The following DMD variants were observed in gnomAD, a reference collection of about 807,000 sequenced individuals.
The protein encoded by DMD is mutant dystrophin.
In DMD, 63 loss-of-function variants were observed where a neutral mutation model predicts 330.1. The ratio of observed to expected loss-of-function variants is 0.19; its 90% confidence interval spans 0.16 to 0.24. The LOEUF is 0.24. Among genes scored for constraint, DMD ranks in the 10% least tolerant of loss-of-function variants. The pLI is 1.00. For synonymous variants in DMD, 1,223 were observed against 959.8 expected, an observed-to-expected ratio of 1.27 and a Z score of -5.07; for missense variants, 3,344 against 2,684.1, an observed-to-expected ratio of 1.25 and a Z score of -5.43.
At chrX:33,196,157 A>G (rs1207956266) in intron 1 of DMD, among the ~76,000 whole-genome samples, 2 of 111,963 alleles carry the variant, frequency 1.8e-5, no homozygotes, top group Admixed American at 1.9e-4. Context: ...TCATTGGTGG[A>G]AGAGACATGG....
intron 47 of DMD, among the ~76,000 whole-genome samples, chrX:31,896,371 C>A (rs1341120011): frequency 2.7e-5 from 3 of 111,496 alleles, no homozygotes; most frequent in Non-Finnish European, 5.7e-5. Flanking sequence ...AGGATGCATC[C>A]AGAAAGATAG....
chrX:31,138,610 C>G (rs1360319584), intron 76 of DMD, among the ~76,000 whole-genome samples: 1 of 97,500 alleles, frequency 1.0e-5, no homozygotes, highest in African/African-American at 4.0e-5. Context: ...CAAGGCACCT[C>G]TTACATGGCA....
intron 44 of DMD, among the ~76,000 whole-genome samples, chrX:32,071,556 C>T (rs1347769664): frequency 4.8e-5 from 5 of 104,617 alleles, no homozygotes; most frequent in Non-Finnish European, 7.8e-5. Context: ...ATACCTAATG[C>T]TAAATGACGA....
chrX:33,304,257 T>A (rs367944633), intron 1 of DMD, among the ~76,000 whole-genome samples: 2 of 110,553 alleles, frequency 1.8e-5, no homozygotes, highest in Non-Finnish European at 3.8e-5. Context: ...TCAGAAATAA[T>A]GCTGCATATC....
At chrX:32,986,373 G>T (rs753735984) in intron 2 of DMD, among the ~76,000 whole-genome samples, 1 of 111,953 alleles carries the variant, frequency 8.9e-6, no homozygotes, top group South Asian at 3.7e-4. Flanking sequence ...CTTACATATA[G>T]AAAATTACCT....
chrX:31,556,149 C>T (rs1002554043), intron 55 of DMD, among the ~76,000 whole-genome samples: 2 of 110,128 alleles, frequency 1.8e-5, no homozygotes, highest in African/African-American at 3.3e-5. Context: ...GGGTGGATCA[C>T]GAGGTCAGGA....
chrX:32,664,427 G>C (rs151223756), intron 9 of DMD, among the ~76,000 whole-genome samples: 3,409 of 109,279 alleles, frequency 0.031, 145 homozygotes, highest in African/African-American at 0.11. Flanking sequence ...ATTTTTAGTA[G>C]AGACGGGGTT....
chrX:33,317,110 G>A lies in DMD; in HGVS notation c.7+22149C>T, dbSNP rs576264240. ...GGGAAAAATTAACGTTTATTTTGAA[G>A]GTTTTTTTTCTTATCTGACAAGTGA... On this transcript the variant is annotated intron_variant, in intron 1 of 17. Coordinates refer to the DMD transcript ENST00000288447. 1.8e-4 allele frequency among the ~76,000 whole-genome samples: 20 copies of A among 110,141 alleles called. No individual in the cohort carries two copies. The South Asian group carries it at 6.9e-3, about 38-fold the overall frequency.
chrX:33,220,165 AAGTT>A (rs1289752912), intron 1 of DMD, among the ~76,000 whole-genome samples: 6 of 111,481 alleles, frequency 5.4e-5, no homozygotes, highest in African/African-American at 2.0e-4. Flanking sequence ...AATTTCCTAA[AAGTT>A]AGTGCACAAG....
At chrX:33,002,183 T>G (rs1035218892) in intron 2 of DMD, among the ~76,000 whole-genome samples, 2 of 111,157 alleles carry the variant, frequency 1.8e-5, no homozygotes, top group South Asian at 3.9e-4. Flanking sequence ...AAGGTAAAAG[T>G]GTAGGTGAAT....
intron 2 of DMD, among the ~76,000 whole-genome samples, chrX:32,862,127 C>A (rs1259097142): frequency 9.0e-6 from 1 of 111,678 alleles, no homozygotes; most frequent in African/African-American, 3.3e-5. Flanking sequence ...AGAGACTTCT[C>A]TCTACCAAAA....
intron 63 of DMD, among the ~76,000 whole-genome samples, chrX:31,236,235 A>G (rs1275423947): frequency 8.9e-6 from 1 of 112,415 alleles, no homozygotes; most frequent in Non-Finnish European, 1.9e-5. Flanking sequence ...ACTCTTCCAT[A>G]GCTCTCAACT....
At chrX:32,237,319 T>C (rs1212008629) in intron 43 of DMD, among the ~76,000 whole-genome samples, 1 of 111,423 alleles carries the variant, frequency 9.0e-6, no homozygotes, top group African/African-American at 3.3e-5. Context: ...TCTTACACAA[T>C]AAGAATACCA....
intron 43 of DMD, among the ~76,000 whole-genome samples, chrX:32,261,009 C>T (rs10442456): frequency 0.07 from 7,812 of 110,827 alleles, 200 homozygotes; most frequent in African/African-American, 0.093. Flanking sequence ...AAATCAAATG[C>T]CTTCAGGGGA....
intron 2 of DMD, among the ~76,000 whole-genome samples, chrX:32,961,373 C>T (rs1426267034): frequency 1.8e-5 from 2 of 110,776 alleles, no homozygotes; most frequent in Admixed American, 9.7e-5. Context: ...ACTCTCACTG[C>T]TATTTTTTTT....
intron 52 of DMD, among the ~76,000 whole-genome samples, chrX:31,722,816 C>T (rs927917210): frequency 9.1e-6 from 1 of 110,052 alleles, no homozygotes; most frequent in Admixed American, 9.8e-5. Flanking sequence ...GAGGCCGAGG[C>T]GGGTGGATCA....
chrX:33,190,535 C>T (rs2050486617), intron 1 of DMD, among the ~76,000 whole-genome samples: 1 of 11,325 alleles, frequency 8.8e-5, no homozygotes, highest in African/African-American at 1.3e-4. Flanking sequence ...GGCCGGACTG[C>T]GGACTGCAGT....
chrX:32,385,793 G>GCCATA (rs1220547600), intron 33 of DMD, among the ~76,000 whole-genome samples: 3 of 109,942 alleles, frequency 2.7e-5, no homozygotes, highest in Non-Finnish European at 5.7e-5. Context: ...GCCAAGTGTG[G>GCCATA]TAGATTTTGC....
intron 1 of DMD, among the ~76,000 whole-genome samples, chrX:33,254,998 A>T (rs1449314079): frequency 9.0e-6 from 1 of 110,869 alleles, no homozygotes; most frequent in Non-Finnish European, 1.9e-5. Context: ...GCATTATTTT[A>T]TAATGTGGAG....
Sources: gnomAD v4.1 joint callset for allele counts (sites outside exome capture counted in the v4.1 genomes callset) on GRCh38, gnomAD v4.1.1 for gene constraint, MANE v1.5 for transcripts, NCBI Gene and HGNC (gene_info 2026-07-23, HGNC 2026-07-21) for gene names.